Variants in PRKAR2B observed in about 807,000 individuals in gnomAD.
PRKAR2B encodes the protein protein kinase cAMP-dependent type II regulatory subunit beta, also known as cAMP-dependent protein kinase type II-beta regulatory subunit.
PRKAR2B carries 14 observed loss-of-function variants against 49.9 expected under a neutral mutation model. The ratio of observed to expected loss-of-function variants is 0.28; its 90% CI spans 0.19 to 0.44. PRKAR2B has a LOEUF of 0.44. Among genes scored for constraint, PRKAR2B ranks in the 20% least tolerant of loss-of-function variants. PRKAR2B has a pLI of 1.00. For synonymous variants in PRKAR2B, 196 were observed against 197.7 expected (o/e 0.99, Z 0.07); for missense variants, 393 against 537.9 (o/e 0.73, Z 2.67).
chr7:107,105,563 A>G (rs1295115505), intron 2 of PRKAR2B, among the ~76,000 whole-genome samples: 1 of 152,128 alleles, frequency 6.6e-6, no homozygotes, highest in East Asian at 1.9e-4. Flanking sequence ...TCTAGTAAGA[A>G]CTCAGTATCC....
chr7:107,128,175 C>A, intron 3 of PRKAR2B, 37 bp from the exon 4 acceptor site: 1 of 1,336,392 alleles, frequency 7.5e-7, no homozygotes, highest in Non-Finnish European at 1.1e-6. Context: ...ATGGTATTGG[C>A]TAATGTCTTT....
At chr7:107,157,407 A>T in intron 10 of PRKAR2B, 83 bp downstream of exon 10, 1 of 1,464,766 alleles carries the variant, frequency 6.8e-7, no homozygotes. Flanking sequence ...GAATCATTTT[A>T]TTGGGTTCAC....
At chr7:107,095,563 G>A (rs1008162201) in intron 2 of PRKAR2B, among the ~76,000 whole-genome samples, 3 of 152,162 alleles carry the variant, frequency 2.0e-5, no homozygotes, top group African/African-American at 7.2e-5. Context: ...GTGAGAGAGG[G>A]CATCCCTGTC....
chr7:107,099,547 T>C (rs1324157464), intron 2 of PRKAR2B, among the ~76,000 whole-genome samples: 1 of 152,118 alleles, frequency 6.6e-6, no homozygotes, highest in Non-Finnish European at 1.5e-5. Context: ...AGTACCTCAG[T>C]TGGAAATGCA....
chr7:107,095,300 C>T (rs904411213), intron 2 of PRKAR2B, among the ~76,000 whole-genome samples: 1 of 151,924 alleles, frequency 6.6e-6, no homozygotes, highest in Non-Finnish European at 1.5e-5. Context: ...TGATTTGGCT[C>T]TCTGTATGTT....
At chr7:107,078,201 C>CA (rs66861003) in intron 2 of PRKAR2B, 48,592 of 116,782 alleles carry the variant, frequency 0.42, 10,757 homozygotes, top group South Asian at 0.51. Context: ...GATACTCCAT[C>CA]AAAAAAAAAA....
intron 1 of PRKAR2B, among the ~76,000 whole-genome samples, chr7:107,059,230 G>A (rs1793978539): frequency 6.6e-6 from 1 of 152,160 alleles, no homozygotes; most frequent in Non-Finnish European, 1.5e-5. Flanking sequence ...CAAGGTTGCA[G>A]TGAACTCCAG....
At chr7:107,051,434 C>T (rs548682173) in intron 1 of PRKAR2B, among the ~76,000 whole-genome samples, 2 of 152,240 alleles carry the variant, frequency 1.3e-5, no homozygotes, top group Non-Finnish European at 2.9e-5. Flanking sequence ...TGATCCTGTT[C>T]TTGTCCTTCC....
intron 2 of PRKAR2B, among the ~76,000 whole-genome samples, chr7:107,087,363 G>A (rs750928784): frequency 2.0e-5 from 3 of 152,168 alleles, no homozygotes; most frequent in Non-Finnish European, 4.4e-5. Flanking sequence ...AAGAACTTGG[G>A]TTCCATTTTG....
chr7:107,070,856 C>G (rs1794251044), intron 2 of PRKAR2B, among the ~76,000 whole-genome samples: 1 of 152,128 alleles, frequency 6.6e-6, no homozygotes, highest in Admixed American at 6.5e-5. Context: ...AATTGCTTTA[C>G]ATTTGTTTGT....
At chr7:107,052,014 A>C (rs1263863589) in intron 1 of PRKAR2B, among the ~76,000 whole-genome samples, 1 of 152,224 alleles carries the variant, frequency 6.6e-6, no homozygotes, top group African/African-American at 2.4e-5. Context: ...CATTTGTTCT[A>C]ATATATTTCA....
intron 1 of PRKAR2B, chr7:107,069,890 T>C (rs193091707): frequency 6.4e-6 from 1 of 155,282 alleles, no homozygotes; most frequent in Non-Finnish European, 1.4e-5. Context: ...CCTTCACTAG[T>C]AGTACTTCTT....
intron 2 of PRKAR2B, among the ~76,000 whole-genome samples, chr7:107,105,770 G>A (rs755698802): frequency 3.3e-5 from 5 of 152,268 alleles, no homozygotes; most frequent in Non-Finnish European, 4.4e-5. Flanking sequence ...TCTGGTTACA[G>A]GACCAGCAAG....
chr7:107,127,842 G>C (rs982250708), intron 3 of PRKAR2B, among the ~76,000 whole-genome samples: 22 of 152,350 alleles, frequency 1.4e-4, no homozygotes, highest in African/African-American at 5.1e-4. Flanking sequence ...CAGTGTAGCT[G>C]CTGGCACCTG....
rs1201520109 is a variant in PRKAR2B at position 107,123,357 on chromosome 7, G to A, written c.396+1353G>A. 4.6e-5 allele frequency among the ~76,000 whole-genome samples: 7 copies of A among 152,276 alleles called. No individual in the cohort carries two copies. In the South Asian group the frequency reaches 1.0e-3, roughly 23 times the overall value. On this transcript the variant is annotated intron_variant, in intron 3 of 10. Transcript: ENST00000265717. ...GCTAATTTCTAATAGTTTTGTTGGG[G>A]AGGCTATACCAGTTAAGATTCATTT... is the stretch of plus-strand genomic sequence containing the variant.
chr7:107,084,681 C>T (rs1053693114), intron 2 of PRKAR2B, among the ~76,000 whole-genome samples: 17 of 150,164 alleles, frequency 1.1e-4, no homozygotes, highest in African/African-American at 3.2e-4. Flanking sequence ...AGTGCAGTGG[C>T]GCGATCATGG....
chr7:107,101,003 C>CT (rs759975833), intron 2 of PRKAR2B, among the ~76,000 whole-genome samples: 1 of 152,030 alleles, frequency 6.6e-6, no homozygotes, highest in Admixed American at 6.6e-5. Flanking sequence ...CTGTTGACTG[C>CT]TTTTTTCTGG....
intron 1 of PRKAR2B, chr7:107,069,911 C>T (rs2116772196): frequency 6.4e-6 from 1 of 157,434 alleles, no homozygotes; most frequent in South Asian, 1.9e-4. Flanking sequence ...TAGGTTAAAT[C>T]TCTAGTAGAT....
Position 107,128,231 on chromosome 7 carries a change from A to T in PRKAR2B, c.416A>T (p.Asp139Val). 1 of 1,611,588 alleles carries T rather than the reference A, an allele frequency of 6.2e-7. No homozygotes were observed. The highest frequency in any genetic ancestry group is 8.5e-7 in the Non-Finnish European group (1 of 1,177,752). Residue 139 changes from aspartate to valine, a missense_variant, in exon 4 of 11, where the codon GAT becomes GTT. Physicochemically the swap from Asp to Val is radical, Grantham distance 152. Coordinates refer to ENST00000265717, the MANE Select transcript of PRKAR2B (RefSeq NM_002736.3). ...TTTTAGATTATACATCCAAAAACTG[A>T]TGATCAAAGAAATAGGTTGCAAGAG... ...AESRIIHPKTDDQRNRLQEAC... is the reference protein window; with the variant it reads ...AESRIIHPKTVDQRNRLQEAC...
Sources: gnomAD v4.1 joint callset for allele counts (sites outside exome capture counted in the v4.1 genomes callset) on GRCh38, gnomAD v4.1.1 for gene constraint, MANE v1.5 for transcripts, NCBI Gene and HGNC (gene_info 2026-07-23, HGNC 2026-07-21) for gene names.